Variants in ROR2 observed in about 807,000 individuals in gnomAD.
ROR2 encodes tyrosine-protein kinase transmembrane receptor ROR2.
Under a neutral mutation model 74.9 loss-of-function variants are expected in ROR2, and 33 were observed. That is an observed-to-expected ratio of 0.44 (90% confidence interval 0.33 to 0.59). The LOEUF (loss-of-function observed/expected upper bound fraction) is 0.59, where lower values mean the gene tolerates loss of function less well. Among genes scored for constraint, ROR2 ranks in the 20% least tolerant of loss-of-function variants. The pLI, the probability that ROR2 is intolerant of heterozygous loss-of-function variation, is 0.02. For synonymous variants in ROR2, 586 were observed against 558.7 expected (o/e 1.05, Z -0.69); for missense variants, 1,216 against 1,313.8 (o/e 0.93, Z 1.15).
At chr9:91,805,438 T>C (rs2119075135) in intron 1 of ROR2, among the ~76,000 whole-genome samples, 1 of 152,344 alleles carries the variant, frequency 6.6e-6, no homozygotes, top group East Asian at 1.9e-4. Context: ...TCTCCTTCCA[T>C]TAGTTTCAGC....
intron 1 of ROR2, among the ~76,000 whole-genome samples, chr9:91,777,642 G>T (rs1007438676): frequency 6.6e-6 from 1 of 151,946 alleles, no homozygotes; most frequent in African/African-American, 2.4e-5. Context: ...TGAAATTCCA[G>T]AACATTTCAT....
At chr9:91,809,785 G>A (rs1827683955) in intron 1 of ROR2, among the ~76,000 whole-genome samples, 1 of 152,240 alleles carries the variant, frequency 6.6e-6, no homozygotes. Flanking sequence ...AGACCAGGCT[G>A]GTGAGGCTCC....
intron 1 of ROR2, among the ~76,000 whole-genome samples, chr9:91,815,999 AAAACCCTTCTCCAT>A (rs1190510530): frequency 4.6e-5 from 7 of 152,174 alleles, no homozygotes; most frequent in Admixed American, 1.3e-4. Context: ...CCTCTCTCAG[AAAACCCTTCTCCAT>A]AAACGGTAAG....
intron 8 of ROR2, among the ~76,000 whole-genome samples, chr9:91,725,402 C>T (rs529105967): frequency 6.6e-6 from 1 of 152,318 alleles, no homozygotes; most frequent in South Asian, 2.1e-4. Flanking sequence ...TTCCTTCCCA[C>T]TTGTGCATGT....
chr9:91,949,114 G>A (rs773032537), intron 1 of ROR2, among the ~76,000 whole-genome samples: 6 of 151,208 alleles, frequency 4.0e-5, no homozygotes, highest in African/African-American at 7.3e-5. Context: ...TACAGGTCCC[G>A]GGGGTCCCCC....
At chr9:91,946,049 T>G (rs977119617) in intron 1 of ROR2, among the ~76,000 whole-genome samples, 3 of 152,142 alleles carry the variant, frequency 2.0e-5, no homozygotes, top group African/African-American at 4.8e-5. Context: ...TATGGTGGTG[T>G]TGTGGGGCAA....
chr9:91,832,120 T>C (rs922964897), intron 1 of ROR2, among the ~76,000 whole-genome samples: 1 of 151,886 alleles, frequency 6.6e-6, no homozygotes, highest in Non-Finnish European at 1.5e-5. Context: ...CTAATGAATC[T>C]CTCATAGAGC....
rs1001379533 is a variant in ROR2 at position 91,724,998 on chromosome 9, T to C, written c.1496A>G (p.Glu499Gly). ...TTTGATGGCCACAGCCTGGGTCTGC[T>C]CCCCCGGGGCAGGGCCGAACAGGTG... ...KGHLFGPAPGEQTQAVAIKTL... is the reference protein window; with the variant it reads ...KGHLFGPAPGGQTQAVAIKTL... The change falls in exon 9 of 9, where the codon GAG becomes GGG. Residue 499 changes from glutamate to glycine, a missense_variant. Transcript: ENST00000375708. The C allele has an allele frequency of 6.2e-7, 1 of 1,613,450 alleles. No homozygotes were observed. The highest frequency in any genetic ancestry group is 8.5e-7 in the Non-Finnish European group (1 of 1,180,006).
At chr9:91,846,663 G>A (rs1308397919) in intron 1 of ROR2, among the ~76,000 whole-genome samples, 1 of 152,084 alleles carries the variant, frequency 6.6e-6, no homozygotes, top group African/African-American at 2.4e-5. Flanking sequence ...CAGGCCAGAG[G>A]TTTCGGATTT....
In ROR2 at chr9:91,897,089, C is replaced by A. The variant is rs939816505; in HGVS notation, c.97+52778G>T. On this transcript the variant is annotated intron_variant, in intron 1 of 8. Transcript: ENST00000375708. Reference sequence around the variant, plus strand: ...ACTGGCAGCTGGATGCACACGTAGACCCCGTAAGTGCATAGGAAGCACGGG... The same window carrying A: ...ACTGGCAGCTGGATGCACACGTAGAACCCGTAAGTGCATAGGAAGCACGGG... 2.6e-5 allele frequency among the ~76,000 whole-genome samples: 4 copies of A among 152,214 alleles called. No individual in the cohort carries two copies. The East Asian group carries it at 7.7e-4, about 29-fold the overall frequency.
At chr9:91,939,804 G>T (rs986119189) in intron 1 of ROR2, among the ~76,000 whole-genome samples, 1 of 152,206 alleles carries the variant, frequency 6.6e-6, no homozygotes, top group African/African-American at 2.4e-5. Flanking sequence ...CCAGTGTTCT[G>T]AGTACAGTGG....
At chr9:91,739,793 C>T (rs1433536025) in intron 4 of ROR2, among the ~76,000 whole-genome samples, 7 of 152,188 alleles carry the variant, frequency 4.6e-5, no homozygotes, top group African/African-American at 9.7e-5. Flanking sequence ...GTTAACAATG[C>T]GAGCCTGCCT....
At chr9:91,751,790 T>C (rs1381083144) in intron 4 of ROR2, among the ~76,000 whole-genome samples, 1 of 152,152 alleles carries the variant, frequency 6.6e-6, no homozygotes, top group African/African-American at 2.4e-5. Flanking sequence ...TTCACAAAAA[T>C]GGACCGTATC....
intron 1 of ROR2, among the ~76,000 whole-genome samples, chr9:91,902,403 G>C (rs533385701): frequency 6.6e-6 from 1 of 151,936 alleles, no homozygotes; most frequent in Non-Finnish European, 1.5e-5. Flanking sequence ...TCTCCACCAA[G>C]CCCACCCTGC....
chr9:91,765,043 G>C lies in ROR2; in HGVS notation c.176-7484C>G, dbSNP rs149863103. ...TTTATTTTTATTTTAGCCTCCTCAG[G>C]TCTCAGTGCTCTTCCTCAAATCTGA... On this transcript the variant is annotated intron_variant, in intron 2 of 8. Coordinates refer to ENST00000375708, the MANE Select transcript of ROR2 (RefSeq NM_004560.4). 1.5e-3 allele frequency among the ~76,000 whole-genome samples: 227 copies of C among 152,062 alleles called. 1 individual carries two copies. The highest frequency in any genetic ancestry group is 5.2e-3 in the African/African-American group (214 of 41,468).
At chr9:91,939,526 C>T (rs1831793147) in intron 1 of ROR2, among the ~76,000 whole-genome samples, 1 of 152,084 alleles carries the variant, frequency 6.6e-6, no homozygotes, top group Non-Finnish European at 1.5e-5. Flanking sequence ...TTTTGTCCCT[C>T]GTTTAACTGG....
At position 91,757,516 on chromosome 9, in the gene ROR2, A is replaced by C. The variant is rs1043796672; in HGVS notation, c.219T>G (p.Ile73Met). ...NFLEPVNNIT[I>M]VQGQTAILHC... Reference sequence around the variant, plus strand: ...GCAGAATTGCCGTCTGGCCTTGGACAATGGTGATATTGTTTACTGGCTCCA... The same window carrying C: ...GCAGAATTGCCGTCTGGCCTTGGACCATGGTGATATTGTTTACTGGCTCCA... Residue 73 changes from isoleucine to methionine, a missense_variant, in exon 3 of 9, where the codon ATT becomes ATG. By Grantham distance (10) the Ile-to-Met change is conservative. Coordinates refer to ENST00000375708, the MANE Select transcript of ROR2 (RefSeq NM_004560.4). The C allele has an allele frequency of 6.2e-7, 1 of 1,613,650 alleles. No homozygotes were observed. The highest frequency in any genetic ancestry group is 8.5e-7 in the Non-Finnish European group (1 of 1,179,976).
chr9:91,786,180 A>G (rs901210314), intron 1 of ROR2, among the ~76,000 whole-genome samples: 3 of 149,414 alleles, frequency 2.0e-5, no homozygotes, highest in African/African-American at 7.4e-5. Flanking sequence ...AAAAAAAAAA[A>G]GCCAGGTATG....
At chr9:91,900,341 C>T (rs1448600811) in intron 1 of ROR2, among the ~76,000 whole-genome samples, 1 of 152,230 alleles carries the variant, frequency 6.6e-6, no homozygotes, top group Non-Finnish European at 1.5e-5. Flanking sequence ...AGCTGCCTCC[C>T]GCACAAGATG....
Sources: gnomAD v4.1 joint callset for allele counts (sites outside exome capture counted in the v4.1 genomes callset) on GRCh38, gnomAD v4.1.1 for gene constraint, MANE v1.5 for transcripts, NCBI Gene and HGNC (gene_info 2026-07-23, HGNC 2026-07-21) for gene names.